Variants in PLCXD3 observed in about 807,000 individuals in gnomAD.
PLCXD3 encodes PI-PLC X domain-containing protein 3.
PLCXD3 carries 19 observed loss-of-function variants against 25.5 expected under a neutral mutation model. The observed-to-expected ratio is 0.75, with a 90% confidence interval of 0.52 to 1.09. PLCXD3 has a LOEUF of 1.09. PLCXD3 is among the 50% of genes least tolerant of loss of function. The pLI, the probability that PLCXD3 is intolerant of heterozygous loss-of-function variation, is 0.00. For missense variants in PLCXD3, 411 were observed against 388.1 expected (o/e 1.06, Z -0.50); for synonymous variants, 174 against 137.6 (o/e 1.26, Z -1.85).
intron 1 of PLCXD3, among the ~76,000 whole-genome samples, chr5:41,500,140 C>T (rs1198353363): frequency 6.6e-6 from 1 of 151,860 alleles, no homozygotes; most frequent in Admixed American, 6.6e-5. Context: ...CCGCACTATT[C>T]ATAATAGCAA....
rs184629856 is a variant in PLCXD3 at position 41,356,955 on chromosome 5, G to A, written c.812+24871C>T. Among the ~76,000 whole-genome samples the A allele has an allele frequency of 3.6e-4, 55 of 152,190 alleles. No homozygotes were observed. In the East Asian group the frequency reaches 5.2e-3, roughly 14 times the overall value. Reference sequence around the variant, plus strand: ...CTAGAATTAGCTGCACAATTATCCCGGTCACACCAAATGGTCACCAAGGGT... The same window carrying A: ...CTAGAATTAGCTGCACAATTATCCCAGTCACACCAAATGGTCACCAAGGGT... On this transcript the variant is annotated intron_variant, in intron 2 of 2. Transcript: ENST00000377801.
chr5:41,387,755 T>C (rs1165269151), intron 1 of PLCXD3, among the ~76,000 whole-genome samples: 1 of 152,150 alleles, frequency 6.6e-6, no homozygotes, highest in African/African-American at 2.4e-5. Context: ...CAGTAAAACA[T>C]TTATCAAGCA....
intron 2 of PLCXD3, among the ~76,000 whole-genome samples, chr5:41,317,941 A>T (rs1003151025): frequency 2.6e-5 from 4 of 152,150 alleles, no homozygotes; most frequent in African/African-American, 9.6e-5. Flanking sequence ...CAAGGGTAGG[A>T]TGTTTATTCA....
chr5:41,476,138 A>C (rs536109483), intron 1 of PLCXD3, among the ~76,000 whole-genome samples: 1 of 152,350 alleles, frequency 6.6e-6, no homozygotes, highest in East Asian at 1.9e-4. Flanking sequence ...GAGAAATCAT[A>C]AGTTGAACCA....
rs575756969 is a variant in PLCXD3 at position 41,361,198 on chromosome 5, C to G, written c.812+20628G>C. On this transcript the variant is annotated intron_variant, in intron 2 of 2. Transcript: ENST00000377801. ...GGAAGTGGGGGAAAGCTGGCAGTCA[C>G]AGGCCTCACCCCACTCCCATGCAGC... is the stretch of plus-strand genomic sequence containing the variant. Among the ~76,000 whole-genome samples, 3 of 152,230 alleles carry G rather than the reference C, an allele frequency of 2.0e-5. No individual in the cohort carries two copies. In the South Asian group the frequency reaches 6.2e-4, roughly 32 times the overall value.
Position 41,312,738 on chromosome 5 carries a change from G to A in PLCXD3, c.*879C>T, listed in dbSNP as rs1293571069. The stretch of plus-strand genomic sequence containing the variant: ...CTTCCTTCCTTCCTTCCTTCCTTCT[G>A]TCTTTTTCTTTCATCAAGAGCATCA... On this transcript the variant is annotated 3_prime_UTR_variant, in exon 3 of 3. Transcript: ENST00000377801. 8.7e-5 allele frequency: 6 copies of A among 68,656 alleles called. No individual in the cohort carries two copies. The East Asian group carries it at 1.8e-3, about 21-fold the overall frequency. The allele number at this position is 68,656 out of a possible 1,614,324, so 4.3% of individuals were successfully genotyped here.
At chr5:41,350,902 T>G (rs960960066) in intron 2 of PLCXD3, among the ~76,000 whole-genome samples, 2 of 152,180 alleles carry the variant, frequency 1.3e-5, no homozygotes, top group South Asian at 2.1e-4. Flanking sequence ...ATAAGCTTAT[T>G]TTGTACAACT....
At chr5:41,418,737 G>C (rs1015669333) in intron 1 of PLCXD3, among the ~76,000 whole-genome samples, 5 of 152,054 alleles carry the variant, frequency 3.3e-5, no homozygotes, top group Non-Finnish European at 5.9e-5. Context: ...GATACCAACT[G>C]AAAAAACTTT....
intron 2 of PLCXD3, among the ~76,000 whole-genome samples, chr5:41,352,893 T>A (rs1477070992): frequency 6.6e-6 from 1 of 152,054 alleles, no homozygotes; most frequent in African/African-American, 2.4e-5. Context: ...CTTCCCAGGG[T>A]TTGACTTATT....
At chr5:41,495,244 G>A (rs567343658) in intron 1 of PLCXD3, among the ~76,000 whole-genome samples, 1 of 152,338 alleles carries the variant, frequency 6.6e-6, no homozygotes, top group South Asian at 2.1e-4. Context: ...TTTTGGAGAA[G>A]CCTGCCTAAG....
At chr5:41,403,883 A>T (rs1323430001) in intron 1 of PLCXD3, among the ~76,000 whole-genome samples, 1 of 151,730 alleles carries the variant, frequency 6.6e-6, no homozygotes, top group Non-Finnish European at 1.5e-5. Context: ...ATGTGTCTTT[A>T]TAGCAGCATG....
chr5:41,408,069 A>G (rs574791497), intron 1 of PLCXD3, among the ~76,000 whole-genome samples: 3 of 152,340 alleles, frequency 2.0e-5, no homozygotes, highest in Admixed American at 6.5e-5. Flanking sequence ...GCTGACAACG[A>G]ATCATTTAAC....
chr5:41,424,242 A>G (rs954138812), intron 1 of PLCXD3, among the ~76,000 whole-genome samples: 1 of 152,142 alleles, frequency 6.6e-6, no homozygotes, highest in African/African-American at 2.4e-5. Context: ...TAATATATAC[A>G]TAAAAGGTTG....
At chr5:41,475,667 T>G (rs1311152034) in intron 1 of PLCXD3, 1 of 534,818 alleles carries the variant, frequency 1.9e-6, no homozygotes, top group South Asian at 1.4e-5. Flanking sequence ...GCGCCACCTG[T>G]GGCTGTCTGC....
chr5:41,400,732 G>C (rs539378812), intron 1 of PLCXD3, among the ~76,000 whole-genome samples: 33 of 152,000 alleles, frequency 2.2e-4, no homozygotes, highest in Non-Finnish European at 2.8e-4. Context: ...GATGGTTAAT[G>C]GGTACAAAAA....
chr5:41,349,605 C>T (rs1370498646), intron 2 of PLCXD3, among the ~76,000 whole-genome samples: 1 of 152,206 alleles, frequency 6.6e-6, no homozygotes, highest in Non-Finnish European at 1.5e-5. Context: ...AAGCATTCCA[C>T]ACTTTCCCCT....
chr5:41,383,088 A>G (rs1352880751), intron 1 of PLCXD3, among the ~76,000 whole-genome samples: 1 of 152,152 alleles, frequency 6.6e-6, no homozygotes, highest in Non-Finnish European at 1.5e-5. Context: ...AGGCAGTACC[A>G]TGCTGACATA....
chr5:41,320,231 G>A (rs1743424668), intron 2 of PLCXD3, among the ~76,000 whole-genome samples: 1 of 151,934 alleles, frequency 6.6e-6, no homozygotes, highest in Non-Finnish European at 1.5e-5. Context: ...AAAAATAGAG[G>A]AGGAGGGAAT....
Position 41,443,958 on chromosome 5 carries a change from T to A in PLCXD3, c.104-61424A>T, listed in dbSNP as rs548031770. Among the ~76,000 whole-genome samples, 3 of 152,358 alleles carry A rather than the reference T, an allele frequency of 2.0e-5. No homozygotes were observed. In the South Asian group the frequency reaches 6.2e-4, roughly 32 times the overall value. On this transcript the variant is annotated intron_variant, in intron 1 of 2. Coordinates refer to ENST00000377801, the MANE Select transcript of PLCXD3 (RefSeq NM_001005473.3). ...GCTATTTTGATGGTAAATGTTGGACTCTGCTTTTCTCATAGTTAAAATAGT... is the reference window on the plus strand; with the variant it reads ...GCTATTTTGATGGTAAATGTTGGACACTGCTTTTCTCATAGTTAAAATAGT...
Sources: allele counts gnomAD v4.1 joint callset (sites outside exome capture counted in the v4.1 genomes callset), GRCh38; gene constraint gnomAD v4.1.1; transcripts MANE v1.5; gene names NCBI Gene and HGNC (gene_info 2026-07-23, HGNC 2026-07-21).